The following DSCAML1 variants were observed in gnomAD, a reference collection of about 807,000 sequenced individuals.
DSCAML1 encodes cell adhesion molecule DSCAML1.
DSCAML1 carries 38 observed loss-of-function variants against 200.5 expected under a neutral mutation model. That is an observed-to-expected ratio of 0.19 (90% CI 0.15 to 0.25). The LOEUF is 0.25. DSCAML1 is among the 10% of genes least tolerant of loss of function. The pLI is 1.00. For synonymous variants in DSCAML1, 1,215 were observed against 1,165.0 expected, an observed-to-expected ratio of 1.04 and a Z score of -0.87; for missense variants, 2,223 against 2,858.8, an observed-to-expected ratio of 0.78 and a Z score of 5.07.
chr11:117,499,797 C>T (rs887431132), intron 11 of DSCAML1, among the ~76,000 whole-genome samples: 1 of 152,168 alleles, frequency 6.6e-6, no homozygotes, highest in Non-Finnish European at 1.5e-5. Context: ...TCAAAGATGT[C>T]CAAGGACTTG....
intron 3 of DSCAML1, among the ~76,000 whole-genome samples, chr11:117,749,809 C>A (rs2054575948): frequency 6.6e-6 from 1 of 152,252 alleles, no homozygotes; most frequent in African/African-American, 2.4e-5. Context: ...GAGGGCAGGG[C>A]CTCCCCTTAC....
chr11:117,599,582 T>C (rs780497244), intron 3 of DSCAML1, among the ~76,000 whole-genome samples: 4 of 152,226 alleles, frequency 2.6e-5, no homozygotes, highest in Non-Finnish European at 5.9e-5. Context: ...AGCCCCTCTC[T>C]ATACCATGTG....
intron 32 of DSCAML1, among the ~76,000 whole-genome samples, chr11:117,429,307 C>T (rs368333257): frequency 6.6e-6 from 1 of 152,226 alleles, no homozygotes; most frequent in Admixed American, 6.5e-5. Context: ...CAGAGTAAGG[C>T]GTTCCCCTCT....
At chr11:117,788,477 C>T (rs1353454423) in intron 1 of DSCAML1, among the ~76,000 whole-genome samples, 2 of 152,136 alleles carry the variant, frequency 1.3e-5, no homozygotes, top group Non-Finnish European at 2.9e-5. Flanking sequence ...CAGGCGTGCA[C>T]CACCACGCCT....
chr11:117,430,663 C>T (rs945505779), intron 32 of DSCAML1, 59 bp downstream of exon 32: 1 of 1,537,682 alleles, frequency 6.5e-7, no homozygotes, highest in Non-Finnish European at 8.7e-7. Flanking sequence ...AGCCAGGGCT[C>T]ATGGGGCTGG....
chr11:117,498,167 C>T lies in DSCAML1; in HGVS notation c.2359+5678G>A, dbSNP rs1265014082. On this transcript the variant is annotated intron_variant, in intron 11 of 32. Transcript: ENST00000651296. The surrounding 1 kb of genome is among the most constrained non-coding windows in gnomAD (Gnocchi z 4.0). ...AGCTTCAGTCTGTGACGAGATAGGA[C>T]CCACCACCGGGGAACACACAGGAAT... 6.6e-6 allele frequency among the ~76,000 whole-genome samples: 1 copy of T among 152,202 alleles called. No homozygotes were observed. The highest frequency in any genetic ancestry group is 2.4e-5 in the African/African-American group (1 of 41,448).
chr11:117,587,257 C>CA (rs1555187496), intron 3 of DSCAML1, among the ~76,000 whole-genome samples: 2 of 109,070 alleles, frequency 1.8e-5, no homozygotes, highest in African/African-American at 1.0e-4. Flanking sequence ...TTTCCAACCC[C>CA]CCCCCACGAT....
intron 32 of DSCAML1, 32 bp downstream of exon 32, chr11:117,430,690 G>A (rs573366405): frequency 1.3e-6 from 2 of 1,579,958 alleles, no homozygotes; most frequent in Admixed American, 1.7e-5. Context: ...GGGGCGGGGG[G>A]GCACTGCCTG....
chr11:117,713,048 G>C (rs903490671), intron 3 of DSCAML1, among the ~76,000 whole-genome samples: 1 of 152,164 alleles, frequency 6.6e-6, no homozygotes, highest in Non-Finnish European at 1.5e-5. Flanking sequence ...TGTCACTAGA[G>C]TCAGAGTCAC....
chr11:117,540,036 A>G (rs1297637444), intron 3 of DSCAML1, among the ~76,000 whole-genome samples: 1 of 152,258 alleles, frequency 6.6e-6, no homozygotes, highest in African/African-American at 2.4e-5. Context: ...AAAGGCAAAT[A>G]TGGCATGATT....
chr11:117,663,761 G>A (rs1398332205), intron 3 of DSCAML1, among the ~76,000 whole-genome samples: 3 of 152,116 alleles, frequency 2.0e-5, no homozygotes, highest in African/African-American at 7.2e-5. Context: ...ATTCTGTATC[G>A]GACTGAGTAC....
intron 3 of DSCAML1, 42 bp from the exon 4 acceptor site, chr11:117,532,564 C>A: frequency 6.3e-7 from 1 of 1,592,198 alleles, no homozygotes; most frequent in Non-Finnish European, 8.6e-7. Flanking sequence ...TTCCCGGTTT[C>A]GTACAGCCTC....
chr11:117,491,279 A>G (rs2049176954), intron 11 of DSCAML1, among the ~76,000 whole-genome samples: 1 of 152,200 alleles, frequency 6.6e-6, no homozygotes, highest in Non-Finnish European at 1.5e-5. Context: ...AGAGCTTACT[A>G]TGTGCCAGGT....
chr11:117,572,911 A>C (rs1160903297), intron 3 of DSCAML1, among the ~76,000 whole-genome samples: 1 of 152,206 alleles, frequency 6.6e-6, no homozygotes, highest in African/African-American at 2.4e-5. Context: ...GCCCGGGGGC[A>C]GAGGGAGAGG....
chr11:117,587,143 C>T (rs771279382), intron 3 of DSCAML1, among the ~76,000 whole-genome samples: 4 of 152,046 alleles, frequency 2.6e-5, no homozygotes, highest in Non-Finnish European at 5.9e-5. Flanking sequence ...GAGATGGCTG[C>T]TTAGGTCAAG....
upstream of DSCAML1, chr11:117,801,737 G>A (rs190151156): frequency 1.3e-4 from 20 of 152,280 alleles, no homozygotes; most frequent in East Asian, 3.1e-3. Context: ...TGGAGCAAAG[G>A]GTCTAAAGCC....
chr11:117,492,732 T>C (rs1211105194), intron 11 of DSCAML1, among the ~76,000 whole-genome samples: 1 of 151,720 alleles, frequency 6.6e-6, no homozygotes. Flanking sequence ...GCGGGGCGGG[T>C]GGGAGCAGCG....
chr11:117,451,998 C>A (rs2048293191), intron 19 of DSCAML1, among the ~76,000 whole-genome samples: 1 of 152,290 alleles, frequency 6.6e-6, no homozygotes, highest in South Asian at 2.1e-4. Context: ...GCGTCATCAT[C>A]CTTCTGGGGG....
At chr11:117,513,090 A>G (rs1267834824) in intron 8 of DSCAML1, among the ~76,000 whole-genome samples, 3 of 152,088 alleles carry the variant, frequency 2.0e-5, no homozygotes, top group Non-Finnish European at 4.4e-5. Flanking sequence ...CAAAGGTTAG[A>G]TGTTTTAATA....
Sources: gnomAD v4.1 joint callset for allele counts (sites outside exome capture counted in the v4.1 genomes callset) on GRCh38, gnomAD v4.1.1 for gene constraint, Gnocchi (gnomAD v3.1) non-coding constraint, MANE v1.5 for transcripts, NCBI Gene and HGNC (gene_info 2026-07-23, HGNC 2026-07-21) for gene names.